Variants in NEDD4 observed in about 807,000 individuals in gnomAD.
NEDD4 encodes the protein E3 ubiquitin-protein ligase NEDD4.
NEDD4 carries 99 observed loss-of-function variants against 144.9 expected under a neutral mutation model. That is an observed-to-expected ratio of 0.68 (90% CI 0.58 to 0.81). The LOEUF is 0.81. NEDD4 is among the 30% of genes least tolerant of loss of function. The probability of loss-of-function intolerance (pLI) is 0.00; values close to 1 mark genes in which losing one functional copy is unlikely to be tolerated. For synonymous variants in NEDD4, 318 were observed against 350.6 expected (o/e 0.91, Z 1.04); for missense variants, 985 against 1,065.9 (o/e 0.92, Z 1.06).
At position 55,834,192 on chromosome 15, in the gene NEDD4, CA is replaced by C. The variant is rs756843694; in HGVS notation, c.2322+34del. 1.9e-5 allele frequency: 31 copies of C among 1,607,256 alleles called. No homozygotes were observed. The South Asian group carries it at 2.0e-4, about 10-fold the overall frequency. ...ATAAACAAGGAAAATAATGGGTTCACAATTTCTGTTTCAACATAAAATGTTA... is the reference window on the plus strand; with the variant it reads ...ATAAACAAGGAAAATAATGGGTTCACATTTCTGTTTCAACATAAAATGTTA... On this transcript the variant is annotated intron_variant, in intron 25 of 28. Transcript: ENST00000435532.
chr15:55,830,063 CAG>C, intron 28 of NEDD4, 64 bp from the exon 29 acceptor site: 1 of 1,071,088 alleles, frequency 9.3e-7, no homozygotes, highest in Non-Finnish European at 1.4e-6. Flanking sequence ...CCACAGCAAA[CAG>C]AGCAATGCTG....
At chr15:55,933,759 G>A (rs1297116063) in intron 4 of NEDD4, among the ~76,000 whole-genome samples, 1 of 152,146 alleles carries the variant, frequency 6.6e-6, no homozygotes, top group East Asian at 1.9e-4. Context: ...GCCATGTGAA[G>A]AGGGATGTGT....
chr15:55,860,864 T>C (rs1333686296), intron 9 of NEDD4, 86 bp from the exon 10 acceptor site: 1 of 1,169,556 alleles, frequency 8.6e-7, no homozygotes, highest in Non-Finnish European at 1.2e-6. Flanking sequence ...GGGAAAAAAA[T>C]CTACATTACA....
At chr15:55,993,322 G>A (rs1566981967) in intron 1 of NEDD4, among the ~76,000 whole-genome samples, 189 bp downstream of exon 1, 2 of 152,128 alleles carry the variant, frequency 1.3e-5, no homozygotes, top group Non-Finnish European at 1.5e-5. Context: ...CCTCCAGCGA[G>A]CCCCCAGCGC....
chr15:55,973,301 C>T (rs564297197), intron 1 of NEDD4, among the ~76,000 whole-genome samples: 136 of 152,246 alleles, frequency 8.9e-4, no homozygotes, highest in African/African-American at 3.2e-3. Context: ...CACTTTGGGA[C>T]GCCAAGATGG....
At chr15:55,946,447 G>C (rs2037114777) in intron 4 of NEDD4, among the ~76,000 whole-genome samples, 1 of 152,186 alleles carries the variant, frequency 6.6e-6, no homozygotes, top group South Asian at 2.1e-4. Context: ...AATTCAACAA[G>C]AAGAGCTAAC....
chr15:55,845,728 C>T (rs1241017359), intron 18 of NEDD4, among the ~76,000 whole-genome samples: 1 of 151,618 alleles, frequency 6.6e-6, no homozygotes, highest in African/African-American at 2.4e-5. Flanking sequence ...ATTTAAAATC[C>T]CAAAGTCTAG....
At chr15:55,922,026 C>T (rs2036577736) in intron 5 of NEDD4, among the ~76,000 whole-genome samples, 2 of 152,164 alleles carry the variant, frequency 1.3e-5, no homozygotes, top group Non-Finnish European at 2.9e-5. Context: ...ACATCGGTAT[C>T]AGTGGCAACA....
chr15:55,922,276 T>C (rs1360748430), intron 5 of NEDD4, among the ~76,000 whole-genome samples: 4 of 152,188 alleles, frequency 2.6e-5, no homozygotes, highest in Non-Finnish European at 5.9e-5. Flanking sequence ...CTCACAAATA[T>C]AATGTTAAGC....
At chr15:55,871,340 A>C (rs1427624786) in intron 7 of NEDD4, among the ~76,000 whole-genome samples, 2 of 152,246 alleles carry the variant, frequency 1.3e-5, no homozygotes, top group African/African-American at 4.8e-5. Context: ...CAAATTTAGG[A>C]ATGTAGTACA....
chr15:55,938,967 C>T (rs575609426), intron 4 of NEDD4, among the ~76,000 whole-genome samples: 26 of 152,040 alleles, frequency 1.7e-4, no homozygotes, highest in African/African-American at 6.0e-4. Flanking sequence ...AATGGTGGTG[C>T]GTGATGGTGT....
chr15:55,981,616 G>C (rs556822136), intron 1 of NEDD4, among the ~76,000 whole-genome samples: 10 of 152,326 alleles, frequency 6.6e-5, no homozygotes, highest in African/African-American at 2.2e-4. Flanking sequence ...GTTTTTGACA[G>C]TAATAACCAT....
chr15:55,938,531 C>T (rs2036935541), intron 4 of NEDD4, among the ~76,000 whole-genome samples: 1 of 152,098 alleles, frequency 6.6e-6, no homozygotes, highest in Non-Finnish European at 1.5e-5. Flanking sequence ...GAAGAAGCTT[C>T]TTGACTTTGG....
chr15:55,866,121 C>T (rs556255597), intron 8 of NEDD4, among the ~76,000 whole-genome samples: 1 of 152,082 alleles, frequency 6.6e-6, no homozygotes, highest in Admixed American at 6.5e-5. Flanking sequence ...GTTATGTTGC[C>T]CAGGCTGGTC....
chr15:55,941,997 T>C (rs2037014865), intron 4 of NEDD4, among the ~76,000 whole-genome samples: 1 of 152,202 alleles, frequency 6.6e-6, no homozygotes, highest in South Asian at 2.1e-4. Context: ...TTAGCTGTAG[T>C]GTACTATACA....
At chr15:55,905,122 T>G in intron 5 of NEDD4, 1 of 273,330 alleles carries the variant, frequency 3.7e-6, no homozygotes, top group Admixed American at 5.2e-5. Flanking sequence ...GAAAAGAAAA[T>G]CAGGCATTTC....
chr15:55,906,972 G>A (rs2036122695), intron 5 of NEDD4, among the ~76,000 whole-genome samples: 1 of 151,926 alleles, frequency 6.6e-6, no homozygotes, highest in Non-Finnish European at 1.5e-5. Flanking sequence ...GCACGTACCT[G>A]TAATCCCAGC....
chr15:55,852,348 A>G (rs1180222772), intron 13 of NEDD4, 76 bp downstream of exon 13: 4 of 1,476,948 alleles, frequency 2.7e-6, no homozygotes, highest in Non-Finnish European at 3.7e-6. Context: ...GTATCCTACA[A>G]AGTGATGTAA....
intron 5 of NEDD4, among the ~76,000 whole-genome samples, chr15:55,881,170 T>G (rs2035180055): frequency 6.7e-6 from 1 of 150,172 alleles, no homozygotes; most frequent in Non-Finnish European, 1.5e-5. Context: ...AGATGCAGTT[T>G]TACTCTTTTT....
Sources: allele counts gnomAD v4.1 joint callset (sites outside exome capture counted in the v4.1 genomes callset), GRCh38; gene constraint gnomAD v4.1.1; transcripts MANE v1.5; gene names NCBI Gene and HGNC (gene_info 2026-07-23, HGNC 2026-07-21).